The following SLC44A5 variants were observed in gnomAD, a reference collection of about 807,000 sequenced individuals.
SLC44A5 encodes solute carrier family 44 member 5, also known as choline transporter-like protein 5.
A neutral mutation model predicts 101.8 loss-of-function variants in SLC44A5; 57 were observed. That is an observed-to-expected ratio of 0.56 (90% CI 0.45 to 0.70). The LOEUF is 0.70. Among genes scored for constraint, SLC44A5 ranks in the 30% least tolerant of loss-of-function variants. The pLI is 0.00. For synonymous variants in SLC44A5, 281 were observed against 290.9 expected (o/e 0.97, Z 0.35); for missense variants, 737 against 853.1 (o/e 0.86, Z 1.70).
chr1:75,253,981 A>G (rs1209832784), intron 6 of SLC44A5, among the ~76,000 whole-genome samples: 1 of 152,120 alleles, frequency 6.6e-6, no homozygotes, highest in Non-Finnish European at 1.5e-5. Flanking sequence ...TTAGTATTTC[A>G]GCACAAATCT....
the SLC44A5 span, among the ~76,000 whole-genome samples, chr1:75,678,983 G>T: frequency 1.3e-5 from 2 of 152,272 alleles, no homozygotes; most frequent in South Asian, 4.1e-4. Context: ...CTCAGGAGCC[G>T]ATGCTATCAA....
At chr1:75,580,146 A>G (rs903039141) in intron 1 of SLC44A5, among the ~76,000 whole-genome samples, 6 of 152,202 alleles carry the variant, frequency 3.9e-5, no homozygotes, top group African/African-American at 1.4e-4. Context: ...AAAAAAGACT[A>G]CCTACAGCAT....
intron 4 of SLC44A5, among the ~76,000 whole-genome samples, chr1:75,330,529 T>G (rs1656971452): frequency 6.6e-6 from 1 of 152,184 alleles, no homozygotes; most frequent in South Asian, 2.1e-4. Context: ...ACTCTCCAAT[T>G]GTGTTCTGGA....
At chr1:75,211,774 TG>T (rs1047718708) in intron 22 of SLC44A5, among the ~76,000 whole-genome samples, 1 of 151,968 alleles carries the variant, frequency 6.6e-6, no homozygotes, top group Non-Finnish European at 1.5e-5. Flanking sequence ...TTCCCTTTTT[TG>T]GGGGGTACTA....
the SLC44A5 span, among the ~76,000 whole-genome samples, chr1:75,713,546 A>G: frequency 6.6e-6 from 1 of 152,188 alleles, no homozygotes; most frequent in South Asian, 2.1e-4. Context: ...CAATTATATC[A>G]TATGCCCATG....
At chr1:75,473,478 T>A (rs1225217219) in intron 2 of SLC44A5, among the ~76,000 whole-genome samples, 1 of 152,182 alleles carries the variant, frequency 6.6e-6, no homozygotes, top group Non-Finnish European at 1.5e-5. Context: ...AGACAATTTT[T>A]GGTGAGGTAG....
At chr1:75,510,564 A>C (rs1212739174) in intron 2 of SLC44A5, among the ~76,000 whole-genome samples, 1 of 152,160 alleles carries the variant, frequency 6.6e-6, no homozygotes, top group Non-Finnish European at 1.5e-5. Context: ...TTCCTGATAC[A>C]TTTTAAAGGC....
the SLC44A5 span, among the ~76,000 whole-genome samples, chr1:75,661,114 A>G: frequency 6.6e-6 from 1 of 152,164 alleles, no homozygotes; most frequent in Non-Finnish European, 1.5e-5. Flanking sequence ...TAACCAAAAC[A>G]GCTTAGTACT....
chr1:75,255,890 C>T (rs551929741), intron 6 of SLC44A5, among the ~76,000 whole-genome samples: 3 of 152,164 alleles, frequency 2.0e-5, no homozygotes, highest in South Asian at 2.1e-4. Flanking sequence ...TCAATCTACA[C>T]TTCTATAGCT....
chr1:75,559,129 A>G (rs945945741), intron 1 of SLC44A5, among the ~76,000 whole-genome samples: 1 of 152,092 alleles, frequency 6.6e-6, no homozygotes, highest in Non-Finnish European at 1.5e-5. Context: ...CAGTTTGTAT[A>G]TCTATATATA....
At chr1:75,417,150 T>TA (rs1663704687) in intron 2 of SLC44A5, among the ~76,000 whole-genome samples, 1 of 152,180 alleles carries the variant, frequency 6.6e-6, no homozygotes, top group Admixed American at 6.5e-5. Context: ...TTCCCATGTG[T>TA]TATGGGAGGA....
At chr1:75,270,161 A>G (rs1486441724) in intron 6 of SLC44A5, among the ~76,000 whole-genome samples, 1 of 152,188 alleles carries the variant, frequency 6.6e-6, no homozygotes, top group Non-Finnish European at 1.5e-5. Context: ...CAGTGTGAAA[A>G]TGGACTAATA....
chr1:75,483,057 G>T (rs1293305438), intron 2 of SLC44A5, among the ~76,000 whole-genome samples: 3 of 152,132 alleles, frequency 2.0e-5, no homozygotes, highest in Non-Finnish European at 4.4e-5. Flanking sequence ...TTACTGAGCT[G>T]CTTCTATTTG....
At position 75,214,565 on chromosome 1, in the gene SLC44A5, A is replaced by G. The variant is rs775162876; in HGVS notation, c.1802+40T>C. 9.2e-6 allele frequency: 14 copies of G among 1,518,498 alleles called. 1 individual carries two copies. The highest frequency in any genetic ancestry group is 4.6e-5 in the South Asian group (4 of 86,222). The allele number at this position is 1,518,498 out of a possible 1,614,324, so 94.1% of individuals were successfully genotyped here. A position where few individuals can be genotyped will look rare whatever the true frequency, so the allele number is the denominator to read the frequency against. On this transcript the variant is annotated intron_variant, in intron 20 of 23. Coordinates refer to ENST00000370859, the MANE Select transcript of SLC44A5 (RefSeq NM_001130058.2). The stretch of plus-strand genomic sequence containing the variant: ...GTAAAGGATGTAATGCTCAAGGTTC[A>G]CTACATTGTTAAATTACATTGTGCA...
At chr1:75,431,120 T>C (rs1664590134) in intron 2 of SLC44A5, among the ~76,000 whole-genome samples, 2 of 152,188 alleles carry the variant, frequency 1.3e-5, no homozygotes, top group South Asian at 4.1e-4. Context: ...AACCGTTTTA[T>C]TGAACTGGAA....
chr1:75,620,852 A>G, the SLC44A5 span, among the ~76,000 whole-genome samples: 12 of 152,244 alleles, frequency 7.9e-5, no homozygotes, highest in East Asian at 1.5e-3. Context: ...CCATTTGTCA[A>G]TTTTGGCTTT....
At chr1:75,680,112 C>G in the SLC44A5 span, among the ~76,000 whole-genome samples, 3 of 152,192 alleles carry the variant, frequency 2.0e-5, no homozygotes, top group Admixed American at 6.5e-5. Flanking sequence ...ATTCATAAAG[C>G]AAGTCTTGAG....
intron 16 of SLC44A5, among the ~76,000 whole-genome samples, chr1:75,219,044 G>T (rs1647021774): frequency 6.6e-6 from 1 of 152,038 alleles, no homozygotes; most frequent in Non-Finnish European, 1.5e-5. Context: ...GGTAGGGCAG[G>T]CAAGCTCAGG....
At chr1:75,415,579 C>T (rs1392465496) in intron 2 of SLC44A5, among the ~76,000 whole-genome samples, 1 of 152,138 alleles carries the variant, frequency 6.6e-6, no homozygotes, top group African/African-American at 2.4e-5. Flanking sequence ...GTGAAAGCAA[C>T]TTTGGAATTG....
Sources: allele counts gnomAD v4.1 joint callset (sites outside exome capture counted in the v4.1 genomes callset), GRCh38; gene constraint gnomAD v4.1.1; transcripts MANE v1.5; gene names NCBI Gene and HGNC (gene_info 2026-07-23, HGNC 2026-07-21).